Variants in NECAB2 observed in about 807,000 individuals in gnomAD.
NECAB2 encodes N-terminal EF-hand calcium binding protein 2, also known as N-terminal EF-hand calcium-binding protein 2.
A neutral mutation model predicts 51.9 loss-of-function variants in NECAB2; 68 were observed. The ratio of observed to expected loss-of-function variants is 1.31; its 90% CI spans 1.08 to 1.60. NECAB2 has a LOEUF of 1.60. NECAB2 is among the 40% of genes most tolerant of loss of function. The pLI is 0.00. For missense variants in NECAB2, 854 were observed against 490.3 expected (o/e 1.74, Z -7.00); for synonymous variants, 329 against 203.5 (o/e 1.62, Z -5.25).
intron 5 of NECAB2, among the ~76,000 whole-genome samples, chr16:83,986,889 A>C (rs2084563726): frequency 6.6e-6 from 1 of 152,070 alleles, no homozygotes; most frequent in East Asian, 1.9e-4. Context: ...TGCTCCAGGG[A>C]GGGTAGGAGT....
chr16:83,973,166 C>A (rs1200842782), intron 2 of NECAB2, among the ~76,000 whole-genome samples: 1 of 152,228 alleles, frequency 6.6e-6, no homozygotes, highest in African/African-American at 2.4e-5. Flanking sequence ...GAAGAGCACG[C>A]AACAGAGACC....
chr16:84,000,268 G>A (rs1363186873), intron 10 of NECAB2, among the ~76,000 whole-genome samples: 1 of 151,264 alleles, frequency 6.6e-6, no homozygotes, highest in Non-Finnish European at 1.5e-5. Flanking sequence ...AGTGGCTGAA[G>A]TTTGCAATCC....
At chr16:83,989,356 A>C (rs1381179553) in intron 5 of NECAB2, among the ~76,000 whole-genome samples, 4 of 151,910 alleles carry the variant, frequency 2.6e-5, no homozygotes, top group Admixed American at 2.6e-4. Context: ...CACCTTCACC[A>C]CGCCTTAGCT....
intron 2 of NECAB2, 147 bp from the exon 3 acceptor site, chr16:83,978,297 G>T: frequency 1.6e-6 from 1 of 618,704 alleles, no homozygotes; most frequent in East Asian, 2.8e-5. Flanking sequence ...TTTTAGTTTG[G>T]GGATTAGCTG....
At position 83,968,506 on chromosome 16, in the gene NECAB2, G is replaced by C. The variant is rs1035321194; in HGVS notation, c.-143G>C. The C allele has an allele frequency of 1.3e-5, 8 of 634,206 alleles. No individual in the cohort carries two copies. In the African/African-American group the frequency reaches 1.6e-4, roughly 13 times the overall value. 39.3% of individuals were successfully genotyped at this position (634,206 alleles called of 1,614,324 possible). On this transcript the variant is annotated 5_prime_UTR_variant, in exon 1 of 13. Transcript: ENST00000305202. ...CCGGCCCGCCCCCCGGCGCCGGCCA[G>C]TCCCCGCGGTGTCCGCGGCCGCGGG...
intron 2 of NECAB2, among the ~76,000 whole-genome samples, chr16:83,974,263 G>C (rs2084380608): frequency 1.3e-5 from 2 of 152,162 alleles, no homozygotes; most frequent in African/African-American, 4.8e-5. Context: ...CCGCGTACCG[G>C]CTCTGGCCTC....
chr16:83,972,222 C>T (rs765553504), intron 2 of NECAB2, 47 bp downstream of exon 2: 29 of 1,612,512 alleles, frequency 1.8e-5, no homozygotes, highest in Admixed American at 1.3e-4. Context: ...CTTCTGTCCT[C>T]GTGCTTCATG....
At position 83,996,995 on chromosome 16, in the gene NECAB2, C is replaced by T. The variant is rs112940457; in HGVS notation, c.796-221C>T. Among the ~76,000 whole-genome samples, 48 of 152,174 alleles carry T rather than the reference C, an allele frequency of 3.2e-4. No individual in the cohort carries two copies. In the South Asian group the frequency reaches 4.1e-3, roughly 13 times the overall value. ...TTGGACTCAGGCCTCTGGAGTCCCC[C>T]TTGCTGCCTCTCCCAAGCCATCCTC... On this transcript the variant is annotated intron_variant, in intron 8 of 12. Coordinates refer to ENST00000305202, the MANE Select transcript of NECAB2 (RefSeq NM_019065.3).
intron 11 of NECAB2, 93 bp from the exon 12 acceptor site, chr16:84,001,732 C>G: frequency 7.3e-7 from 1 of 1,371,460 alleles, no homozygotes; most frequent in Non-Finnish European, 1.0e-6. Flanking sequence ...TTGATAAGCT[C>G]CCCATTTTGG....
Position 83,998,202 on chromosome 16 carries a change from C to G in NECAB2, c.850-3C>G. On this transcript the variant is annotated splice_region_variant and splice_polypyrimidine_tract_variant and intron_variant, in intron 9 of 12. Transcript: ENST00000305202. ...CCACACTGACTCCTGCTGTGCCCGG[C>G]AGCACCTGCAGCTGGTCCGGCAGGA... The G allele has an allele frequency of 6.2e-7, 1 of 1,607,868 alleles. No homozygotes were observed. The highest frequency in any genetic ancestry group is 8.5e-7 in the Non-Finnish European group (1 of 1,179,806).
At chr16:83,984,350 A>G (rs753847706) in intron 5 of NECAB2, among the ~76,000 whole-genome samples, 1 of 152,010 alleles carries the variant, frequency 6.6e-6, no homozygotes, top group African/African-American at 2.4e-5. Flanking sequence ...TCAGTCATGC[A>G]TGGAATGTTT....
intron 6 of NECAB2, among the ~76,000 whole-genome samples, chr16:83,992,728 A>G (rs1022533093): frequency 3.3e-5 from 5 of 152,188 alleles, no homozygotes; most frequent in African/African-American, 9.7e-5. Flanking sequence ...GAAAATTAAA[A>G]TACACATTCC....
chr16:84,001,024 T>C (rs2084821412), intron 11 of NECAB2, among the ~76,000 whole-genome samples: 1 of 152,110 alleles, frequency 6.6e-6, no homozygotes, highest in South Asian at 2.1e-4. Context: ...GCTTTCCTGC[T>C]TTCCCCAGGG....
At chr16:83,965,189 C>G, upstream of NECAB2, 2 of 1,613,286 alleles carry the variant, frequency 1.2e-6, no homozygotes, top group Non-Finnish European at 1.7e-6. Context: ...GTGGGGGACC[C>G]CCGATCCCAG....
At chr16:83,999,469 A>T (rs78365936) in intron 10 of NECAB2, among the ~76,000 whole-genome samples, 1 of 152,122 alleles carries the variant, frequency 6.6e-6, no homozygotes, top group Non-Finnish European at 1.5e-5. Context: ...GAGCCAGGTG[A>T]GATTCTACTT....
intron 2 of NECAB2, among the ~76,000 whole-genome samples, chr16:83,972,468 T>C (rs2084360327): frequency 6.6e-6 from 1 of 152,242 alleles, no homozygotes; most frequent in Non-Finnish European, 1.5e-5. Flanking sequence ...GGGTGTACTT[T>C]AGGCCTTTTC....
chr16:83,981,697 G>A (rs1386440194), intron 5 of NECAB2, among the ~76,000 whole-genome samples: 1 of 152,096 alleles, frequency 6.6e-6, no homozygotes, highest in Admixed American at 6.5e-5. Context: ...ACTGAGTCAG[G>A]GACCTGGCAA....
rs1408605557 is a variant in NECAB2, at chr16:83,981,278, G to A, written c.459+151G>A. 22 of 662,440 alleles carry A rather than the reference G, an allele frequency of 3.3e-5. No individual in the cohort carries two copies. In the East Asian group the frequency reaches 5.7e-4, roughly 17 times the overall value. 41.0% of individuals were successfully genotyped at this position (662,440 alleles called of 1,614,324 possible). ...GCCTGGGCCTCTTTGAAGCAGCTGA[G>A]ATGAACTGGGAAGGGAATAGAATGG... On this transcript the variant is annotated intron_variant, in intron 5 of 12. Coordinates refer to ENST00000305202, the MANE Select transcript of NECAB2 (RefSeq NM_019065.3).
intron 1 of NECAB2, 39 bp downstream of exon 1, chr16:83,968,888 G>C (rs2084318856): frequency 9.3e-7 from 1 of 1,070,976 alleles, no homozygotes; most frequent in Non-Finnish European, 1.1e-6. Flanking sequence ...CGTGGCCTCC[G>C]CTGGGACCCG....
Sources: gnomAD v4.1 joint callset for allele counts (sites outside exome capture counted in the v4.1 genomes callset) on GRCh38, gnomAD v4.1.1 for gene constraint, MANE v1.5 for transcripts, NCBI Gene and HGNC (gene_info 2026-07-23, HGNC 2026-07-21) for gene names.